KLF9: variants seen among roughly 807,000 people sequenced by gnomAD.
KLF9 encodes KLF transcription factor 9.
A neutral mutation model predicts 17.3 loss-of-function variants in KLF9; 2 were observed. That is an observed-to-expected ratio of 0.12 (90% CI 0.05 to 0.36). The LOEUF (loss-of-function observed/expected upper bound fraction) is 0.36. Among genes scored for constraint, KLF9 ranks in the 10% least tolerant of loss-of-function variants. KLF9 has a pLI of 1.00. For synonymous variants in KLF9, 138 were observed against 139.2 expected, an observed-to-expected ratio of 0.99 and a Z score of 0.06; for missense variants, 226 against 333.2, an observed-to-expected ratio of 0.68 and a Z score of 2.51.
chr9:70,413,465 G>GCGGCA lies in KLF9; in HGVS notation c.-107_-103dup. 1.7e-6 allele frequency: 2 copies of GCGGCA among 1,189,556 alleles called. No homozygotes were observed. The highest frequency in any genetic ancestry group is 2.1e-6 in the Non-Finnish European group (2 of 951,764). 73.7% of individuals were successfully genotyped at this position (1,189,556 alleles called of 1,614,324 possible). On this transcript the variant is annotated 5_prime_UTR_variant, in exon 1 of 2. Coordinates refer to ENST00000377126, the MANE Select transcript of KLF9 (RefSeq NM_001206.4). The surrounding 1 kb of genome is among the most constrained non-coding windows in gnomAD (Gnocchi z 5.6). Reference sequence around the variant, plus strand: ...CCTCGGACGACGAGCGCGGCGCGGCGCGGCACGGCGCGGCGGCCAAGGGGG... The same window carrying GCGGCA: ...CCTCGGACGACGAGCGCGGCGCGGCGCGGCACGGCACGGCGCGGCGGCCAAGGGGG...
Position 70,388,008 on chromosome 9 carries a change from A to C in KLF9, c.506-3T>G. ...CGTGCAGGGAAAGGGCCGTTCACCT[A>C]AGAGAAAGGAATCAGAAAGGATACA... On this transcript the variant is annotated splice_region_variant and splice_polypyrimidine_tract_variant and intron_variant, in intron 1 of 1. Transcript: ENST00000377126. 1 of 1,610,900 alleles carries C rather than the reference A, an allele frequency of 6.2e-7. No homozygotes were observed. The highest frequency in any genetic ancestry group is 8.5e-7 in the Non-Finnish European group (1 of 1,178,082).
intron 1 of KLF9, 33 bp from the exon 2 acceptor site, chr9:70,388,038 A>C: frequency 1.0e-4 from 159 of 1,559,090 alleles, no homozygotes; most frequent in Middle Eastern, 1.7e-4. Context: ...GATACAGCTC[A>C]AAGAACATGA....
Position 70,413,499 on chromosome 9 carries a change from C to T in KLF9, c.-136G>A. 1.1e-6 allele frequency: 1 copy of T among 950,304 alleles called. No homozygotes were observed. 58.9% of individuals were successfully genotyped at this position (950,304 alleles called of 1,614,324 possible). On this transcript the variant is annotated 5_prime_UTR_variant, in exon 1 of 2. Transcript: ENST00000377126. The surrounding 1 kb of genome is among the most constrained non-coding windows in gnomAD (Gnocchi z 5.6). The stretch of plus-strand genomic sequence containing the variant: ...CGCGGCGGCCAAGGGGGCGGGGGCG[C>T]GGGGCGCTTCCGACTCGCAGGAGCG...
At position 70,387,720 on chromosome 9, in the gene KLF9, G is replaced by T; in HGVS notation, c.*56C>A. Reference sequence around the variant, plus strand: ...CTCAGTTTTCACGCGTCTGTTTCCTGGGAGTACTTTTCTCCTTTCGGGGTC... The same window carrying T: ...CTCAGTTTTCACGCGTCTGTTTCCTTGGAGTACTTTTCTCCTTTCGGGGTC... On this transcript the variant is annotated 3_prime_UTR_variant, in exon 2 of 2. Coordinates refer to ENST00000377126, the MANE Select transcript of KLF9 (RefSeq NM_001206.4). The T allele has an allele frequency of 6.7e-7, 1 of 1,488,412 alleles. No homozygotes were observed. The highest frequency in any genetic ancestry group is 1.1e-5 in the South Asian group (1 of 88,302). The allele number at this position is 1,488,412 out of a possible 1,614,324, so 92.2% of individuals were successfully genotyped here.
Position 70,413,134 on chromosome 9 carries a change from T to A in KLF9, c.230A>T (p.Gln77Leu). 1 of 1,614,194 alleles carries A rather than the reference T, an allele frequency of 6.2e-7. No individual in the cohort carries two copies. The highest frequency in any genetic ancestry group is 8.5e-7 in the Non-Finnish European group (1 of 1,180,044). ...ACTGTCGCTGCACACGGAGGGGGTC[T>A]GGATGGGTCGGTACTTGTTCAGGTC... ...LLDLNKYRPI[Q>L]TPSVCSDSLE... The change falls in exon 1 of 2, where the codon CAG becomes CTG. Residue 77 changes from glutamine to leucine, a missense_variant. By Grantham distance (113) the Gln-to-Leu change is moderately radical (BLOSUM62 -2). Coordinates refer to ENST00000377126, the MANE Select transcript of KLF9 (RefSeq NM_001206.4). This position sits in a 1 kb window ranked among gnomAD's most constrained non-coding sequence, Gnocchi z 5.6.
At chr9:70,392,117 G>A (rs1255591074) in intron 1 of KLF9, among the ~76,000 whole-genome samples, 1 of 152,216 alleles carries the variant, frequency 6.6e-6, no homozygotes, top group Non-Finnish European at 1.5e-5. Flanking sequence ...CCCGAGGGGC[G>A]GAGGTTGTGG....
chr9:70,394,105 T>C (rs985022997), intron 1 of KLF9, among the ~76,000 whole-genome samples: 1 of 151,590 alleles, frequency 6.6e-6, no homozygotes, highest in Non-Finnish European at 1.5e-5. Context: ...GAATTTGGGC[T>C]GGCTGTGGTA....
At chr9:70,403,013 G>A (rs1380293064) in intron 1 of KLF9, among the ~76,000 whole-genome samples, 2 of 152,088 alleles carry the variant, frequency 1.3e-5, no homozygotes, top group East Asian at 3.9e-4. Context: ...AGCCTGGCAT[G>A]GTGGGGTGTG....
rs990056142 is a variant in KLF9, at chr9:70,414,501, T to A, written c.-1138A>T. On this transcript the variant is annotated 5_prime_UTR_variant, in exon 1 of 2. Transcript: ENST00000377126. ...CGACACTTGTAAACGCGAAGAGCTG[T>A]AGTGAAACTGGACACATCTTTGTAT... 2.0e-5 allele frequency: 3 copies of A among 152,206 alleles called. No individual in the cohort carries two copies. Among genetic ancestry groups the A allele is most frequent in the Non-Finnish European group, 4.4e-5 (3 of 68,042 alleles). The allele number at this position is 152,206 out of a possible 1,614,324, so 9.4% of individuals were successfully genotyped here. A position where few individuals can be genotyped will look rare whatever the true frequency, so the allele number is the denominator to read the frequency against.
intron 1 of KLF9, among the ~76,000 whole-genome samples, chr9:70,412,284 C>A (rs567886396): frequency 6.6e-6 from 1 of 150,376 alleles, no homozygotes; most frequent in Non-Finnish European, 1.5e-5. Context: ...TGATCAGACT[C>A]CTATGCTGCC....
At chr9:70,412,317 T>C (rs1320525680) in intron 1 of KLF9, among the ~76,000 whole-genome samples, 1 of 149,080 alleles carries the variant, frequency 6.7e-6, no homozygotes, top group African/African-American at 2.5e-5. Context: ...ATTTTAAACC[T>C]CTCGGGGGAC....
At chr9:70,403,552 C>A (rs1438038091) in intron 1 of KLF9, among the ~76,000 whole-genome samples, 1 of 152,200 alleles carries the variant, frequency 6.6e-6, no homozygotes, top group East Asian at 1.9e-4. Context: ...CCCCCACCAA[C>A]CCCATGAATG....
chr9:70,397,199 C>G lies in KLF9; in HGVS notation c.506-9194G>C, dbSNP rs1003438253. Among the ~76,000 whole-genome samples, 3 of 151,990 alleles carry G rather than the reference C, an allele frequency of 2.0e-5. No individual in the cohort carries two copies. The South Asian group carries it at 6.2e-4, about 32-fold the overall frequency. On this transcript the variant is annotated intron_variant, in intron 1 of 1. Coordinates refer to ENST00000377126, the MANE Select transcript of KLF9 (RefSeq NM_001206.4). Reference sequence around the variant, plus strand: ...GAAACTTCCTGGCCCGGTGTGATGGCTCACACTTGTAAACACCTGTAATCC... The same window carrying G: ...GAAACTTCCTGGCCCGGTGTGATGGGTCACACTTGTAAACACCTGTAATCC...
intron 1 of KLF9, among the ~76,000 whole-genome samples, chr9:70,391,628 C>T (rs993920207): frequency 1.3e-5 from 2 of 152,090 alleles, no homozygotes; most frequent in African/African-American, 4.8e-5. Flanking sequence ...ATAAAAGGCC[C>T]GGGATCATTT....
Position 70,387,824 on chromosome 9 carries a change from G to A in KLF9, c.687C>T (p.His229=). 1.9e-6 allele frequency: 3 copies of A among 1,614,078 alleles called. No individual in the cohort carries two copies. The highest frequency in any genetic ancestry group is 2.5e-6 in the Non-Finnish European group (3 of 1,180,018). ...TKHARRHTEF[H]PSMIKRSKKA... ...TTTTCGATCGCTTGATCATGCTGGG[G>A]TGGAACTCGGTGTGCCGCCGGGCGT... The change falls in exon 2 of 2, where the codon CAC becomes CAT. Residue 229 remains histidine (H), a synonymous_variant. Transcript: ENST00000377126.
intron 1 of KLF9, among the ~76,000 whole-genome samples, chr9:70,399,584 C>T (rs1184464325): frequency 1.3e-5 from 2 of 152,210 alleles, no homozygotes; most frequent in African/African-American, 4.8e-5. Context: ...GGAATTCAAA[C>T]CTGTCATGTT....
At chr9:70,397,768 C>A (rs184707979) in intron 1 of KLF9, among the ~76,000 whole-genome samples, 160 of 152,242 alleles carry the variant, frequency 1.1e-3, no homozygotes, top group South Asian at 6.0e-3. Context: ...GGGAATGCAT[C>A]CACATAGACC....
intron 1 of KLF9, among the ~76,000 whole-genome samples, chr9:70,409,865 A>G (rs2037296972): frequency 6.6e-6 from 1 of 152,224 alleles, no homozygotes; most frequent in African/African-American, 2.4e-5. Flanking sequence ...GTAAATTAAC[A>G]TACTGCTTAA....
intron 1 of KLF9, among the ~76,000 whole-genome samples, chr9:70,399,100 G>A (rs1034667111): frequency 6.6e-6 from 1 of 152,194 alleles, no homozygotes; most frequent in African/African-American, 2.4e-5. Flanking sequence ...CTCCCAAAGT[G>A]CTGGGATTAC....
Sources: gnomAD v4.1 joint callset for allele counts (sites outside exome capture counted in the v4.1 genomes callset) on GRCh38, gnomAD v4.1.1 for gene constraint, Gnocchi (gnomAD v3.1) non-coding constraint, MANE v1.5 for transcripts, NCBI Gene and HGNC (gene_info 2026-07-23, HGNC 2026-07-21) for gene names.